Variants in TRAFD1 observed in about 807,000 individuals in gnomAD.
The protein encoded by TRAFD1 is TRAF-type zinc finger domain containing 1.
In TRAFD1, 38 loss-of-function variants were observed where a neutral mutation model predicts 65.3. The observed-to-expected ratio is 0.58, with a 90% CI of 0.45 to 0.76. The LOEUF (loss-of-function observed/expected upper bound fraction) is 0.76, where lower values mean the gene tolerates loss of function less well. Ranked by LOEUF, TRAFD1 falls within the 30% of genes least tolerant of loss-of-function variation. TRAFD1 has a pLI of 0.00. For missense variants in TRAFD1, 631 were observed against 712.6 expected, an observed-to-expected ratio of 0.89 and a Z score of 1.30; for synonymous variants, 223 against 257.2, an observed-to-expected ratio of 0.87 and a Z score of 1.27.
chr12:112,145,596 C>T lies in TRAFD1; in HGVS notation c.861C>T (p.Asp287=), dbSNP rs1487505991. 8.1e-6 allele frequency: 13 copies of T among 1,613,948 alleles called. No homozygotes were observed. The African/African-American group carries it at 9.3e-5, about 12-fold the overall frequency. ...TGGCCTAATACCTAGGTGCAGCTGA[C>T]GAGATCATGTTGCCTTGTGAATTTT... ...RSLSDIKGAA[D]EIMLPCEFCE... is the part of the protein sequence containing the mutation. Residue 287 remains aspartate (D), a synonymous_variant, in exon 7 of 12, where the codon GAC becomes GAT. Transcript: ENST00000412615.
At chr12:112,147,578 T>TA (rs1009888779) in intron 7 of TRAFD1, among the ~76,000 whole-genome samples, 1 of 151,866 alleles carries the variant, frequency 6.6e-6, no homozygotes, top group African/African-American at 2.4e-5. Flanking sequence ...TGAACACACT[T>TA]AAAAAAAACC....
intron 7 of TRAFD1, among the ~76,000 whole-genome samples, chr12:112,147,454 G>A (rs182951489): frequency 2.6e-5 from 4 of 151,918 alleles, no homozygotes; most frequent in African/African-American, 9.7e-5. Flanking sequence ...TTTTGTTTTG[G>A]GAGTACCATA....
intron 9 of TRAFD1, among the ~76,000 whole-genome samples, chr12:112,151,551 A>C: frequency 6.6e-6 from 1 of 151,036 alleles, no homozygotes. Context: ...GTGCCACCTC[A>C]CCTGGCTAAT....
At chr12:112,131,950 T>G (rs560438657) in intron 2 of TRAFD1, among the ~76,000 whole-genome samples, 1 of 152,242 alleles carries the variant, frequency 6.6e-6, no homozygotes, top group Non-Finnish European at 1.5e-5. Flanking sequence ...TATGATGGTG[T>G]GGTCCTTAAT....
chr12:112,135,370 G>A (rs190215070), intron 4 of TRAFD1, among the ~76,000 whole-genome samples: 1 of 152,342 alleles, frequency 6.6e-6, no homozygotes, highest in African/African-American at 2.4e-5. Flanking sequence ...AGAGTTGCCA[G>A]TATGGGATAA....
Position 112,148,293 on chromosome 12 carries a change from T to A in TRAFD1, c.1147T>A (p.Phe383Ile). 6.2e-7 allele frequency: 1 copy of A among 1,614,014 alleles called. No individual in the cohort carries two copies. Among genetic ancestry groups the A allele is most frequent in the Non-Finnish European group, 8.5e-7 (1 of 1,179,920 alleles). The part of the protein sequence containing the change: ...CGVQLEEEVL[F>I]HHQDQCDQRP... Reference sequence around the variant, plus strand: ...GGTACAGCTGGAAGAGGAGGTGCTGTTCCATCACCAGGTAAGGGTCCCTGG... The same window carrying A: ...GGTACAGCTGGAAGAGGAGGTGCTGATCCATCACCAGGTAAGGGTCCCTGG... Residue 383 changes from phenylalanine (F) to isoleucine (I), a missense_variant, in exon 8 of 12, where the codon TTC becomes ATC. Phe to Ile is a conservative substitution (Grantham distance 21, BLOSUM62 0). Transcript: ENST00000412615.
At chr12:112,138,744 G>A (rs1041558378) in intron 4 of TRAFD1, among the ~76,000 whole-genome samples, 1 of 151,376 alleles carries the variant, frequency 6.6e-6, no homozygotes, top group Non-Finnish European at 1.5e-5. Context: ...TGTAATCCCA[G>A]CTACTTGGGA....
At chr12:112,142,877 T>C (rs903239605) in intron 6 of TRAFD1, among the ~76,000 whole-genome samples, 1 of 152,060 alleles carries the variant, frequency 6.6e-6, no homozygotes, top group African/African-American at 2.4e-5. Flanking sequence ...TTTGTGAATA[T>C]AGATGAGGAG....
intron 4 of TRAFD1, among the ~76,000 whole-genome samples, chr12:112,138,342 A>T (rs1211824152): frequency 6.6e-6 from 1 of 151,946 alleles, no homozygotes; most frequent in Non-Finnish European, 1.5e-5. Context: ...TTGAGGTCAG[A>T]AGTTCAAGAC....
chr12:112,143,330 C>T (rs1448921440), intron 6 of TRAFD1, among the ~76,000 whole-genome samples: 5 of 152,210 alleles, frequency 3.3e-5, no homozygotes, highest in South Asian at 4.1e-4. Context: ...CCGCCTGCCT[C>T]GGCCTCCCAA....
At chr12:112,150,241 CTAT>C (rs1003314812) in intron 9 of TRAFD1, among the ~76,000 whole-genome samples, 2 of 151,960 alleles carry the variant, frequency 1.3e-5, no homozygotes, top group African/African-American at 4.8e-5. Context: ...GTACTCAAAC[CTAT>C]TATTATTATT....
intron 7 of TRAFD1, 148 bp downstream of exon 7, chr12:112,145,810 A>T: frequency 1.4e-6 from 1 of 694,282 alleles, no homozygotes. Flanking sequence ...TGTGAGTGGC[A>T]TACAGATATG....
intron 1 of TRAFD1, among the ~76,000 whole-genome samples, chr12:112,129,066 A>G (rs1460017999): frequency 6.6e-6 from 1 of 151,462 alleles, no homozygotes; most frequent in East Asian, 1.9e-4. Flanking sequence ...TATGCTTAAC[A>G]AGGTCATGAA....
At chr12:112,144,258 T>C (rs1323574718) in intron 6 of TRAFD1, among the ~76,000 whole-genome samples, 3 of 151,890 alleles carry the variant, frequency 2.0e-5, no homozygotes, top group Admixed American at 6.6e-5. Context: ...CTTTAAGCTT[T>C]TGGCCTGGAC....
At chr12:112,143,855 C>G (rs1035166307) in intron 6 of TRAFD1, among the ~76,000 whole-genome samples, 1 of 151,262 alleles carries the variant, frequency 6.6e-6, no homozygotes, top group African/African-American at 2.4e-5. Flanking sequence ...ACTTCAGTCT[C>G]CGATGTAGCT....
Position 112,130,662 on chromosome 12 carries a change from G to T in TRAFD1, c.47+93G>T. On this transcript the variant is annotated intron_variant, in intron 2 of 11. Transcript: ENST00000412615. The surrounding 1 kb of genome is among the most constrained non-coding windows in gnomAD (Gnocchi z 4.4). ...GATTTAAAAACTGTTAGTGAAGACTGGCACAGTCTTGAGTTAAGCTTTCTA... is the reference window on the plus strand; with the variant it reads ...GATTTAAAAACTGTTAGTGAAGACTTGCACAGTCTTGAGTTAAGCTTTCTA... 8.8e-7 allele frequency: 1 copy of T among 1,130,324 alleles called. No homozygotes were observed. Among genetic ancestry groups the T allele is most frequent in the Non-Finnish European group, 1.3e-6 (1 of 769,042 alleles). The allele number at this position is 1,130,324 out of a possible 1,614,324, so 70.0% of individuals were successfully genotyped here.
chr12:112,139,003 A>G (rs1355518365), intron 4 of TRAFD1, among the ~76,000 whole-genome samples: 2 of 152,080 alleles, frequency 1.3e-5, no homozygotes, highest in Non-Finnish European at 2.9e-5. Context: ...GGAACAGGGG[A>G]GAAGAGACAT....
rs944899475 is a variant in TRAFD1 at position 112,129,060 on chromosome 12, C to T, written c.-12-1451C>T. Among the ~76,000 whole-genome samples the T allele has an allele frequency of 5.5e-5, 8 of 145,612 alleles. No individual in the cohort carries two copies. The Admixed American group carries it at 5.5e-4, about 10-fold the overall frequency. ...AAAAAAAAAAAAAAAAGCCAGTATG[C>T]TTAACAAGGTCATGAAAGAGAAGGA... On this transcript the variant is annotated intron_variant, in intron 1 of 11. Transcript: ENST00000412615.
intron 2 of TRAFD1, among the ~76,000 whole-genome samples, chr12:112,131,366 A>C (rs1364568610): frequency 6.6e-6 from 1 of 152,232 alleles, no homozygotes; most frequent in Non-Finnish European, 1.5e-5. Context: ...ATTAGGAGGA[A>C]TCTCAAGCCT....
Sources: allele counts gnomAD v4.1 joint callset (sites outside exome capture counted in the v4.1 genomes callset), GRCh38; gene constraint gnomAD v4.1.1; non-coding constraint Gnocchi (gnomAD v3.1); transcripts MANE v1.5; gene names NCBI Gene and HGNC (gene_info 2026-07-23, HGNC 2026-07-21).